Variants in NSRP1 observed in about 807,000 individuals in gnomAD.
NSRP1 encodes the protein nuclear speckle splicing regulatory protein 1.
A neutral mutation model predicts 54.7 loss-of-function variants in NSRP1; 24 were observed. The observed-to-expected ratio is 0.44, with a 90% CI of 0.32 to 0.62. The LOEUF is 0.62. NSRP1 is among the 20% of genes least tolerant of loss of function. The pLI, the probability that NSRP1 is intolerant of heterozygous loss-of-function variation, is 0.06. For synonymous variants in NSRP1, 210 were observed against 213.8 expected, an observed-to-expected ratio of 0.98 and a Z score of 0.15; for missense variants, 596 against 651.2, an observed-to-expected ratio of 0.92 and a Z score of 0.92.
chr17:30,145,962 A>C (rs886339678), intron 2 of NSRP1, among the ~76,000 whole-genome samples: 1 of 151,820 alleles, frequency 6.6e-6, no homozygotes, highest in Admixed American at 6.6e-5. Context: ...CAATTCCCCC[A>C]CTTTTGTCTT....
At chr17:30,169,762 T>A (rs34433787) in intron 2 of NSRP1, among the ~76,000 whole-genome samples, 62,511 of 151,710 alleles carry the variant, frequency 0.41, 14,353 homozygotes, top group East Asian at 0.82. Context: ...TATTTAATTT[T>A]TTAAATATGT....
intron 2 of NSRP1, among the ~76,000 whole-genome samples, chr17:30,151,342 A>T (rs1404989675): frequency 6.6e-6 from 1 of 152,156 alleles, no homozygotes; most frequent in East Asian, 1.9e-4. Context: ...AAAACTTTTG[A>T]CTACCCCAAA....
intron 1 of NSRP1, chr17:30,117,173 T>G (rs2071542593): frequency 2.9e-6 from 2 of 699,184 alleles, no homozygotes; most frequent in Non-Finnish European, 5.3e-6. Context: ...TAACCCGCGC[T>G]TGAGTTTCTC....
rs754436640 is a variant in NSRP1 at position 30,150,939 on chromosome 17, C to T, written c.115-21603C>T. 1.6e-4 allele frequency among the ~76,000 whole-genome samples: 24 copies of T among 151,746 alleles called. 1 individual carries two copies. Among genetic ancestry groups the T allele is most frequent in the Non-Finnish European group, 2.1e-4 (14 of 67,928 alleles). On this transcript the variant is annotated intron_variant, in intron 2 of 6. Coordinates refer to ENST00000247026, the MANE Select transcript of NSRP1 (RefSeq NM_032141.4). Reference sequence around the variant, plus strand: ...CTGACCTTAGGTGATCTGCTCACCTCGGCCTCCCAAAATGCTGGGATTACA... The same window carrying T: ...CTGACCTTAGGTGATCTGCTCACCTTGGCCTCCCAAAATGCTGGGATTACA...
chr17:30,140,372 A>G (rs778362425), intron 2 of NSRP1, among the ~76,000 whole-genome samples: 1 of 152,150 alleles, frequency 6.6e-6, no homozygotes, highest in Non-Finnish European at 1.5e-5. Context: ...GTACTCAATA[A>G]TTTTAAAGAG....
At chr17:30,145,835 T>C (rs2071849575) in intron 2 of NSRP1, among the ~76,000 whole-genome samples, 1 of 152,162 alleles carries the variant, frequency 6.6e-6, no homozygotes, top group Non-Finnish European at 1.5e-5. Flanking sequence ...TATTTTTATA[T>C]GTTGCTGTGC....
intron 2 of NSRP1, among the ~76,000 whole-genome samples, chr17:30,147,975 C>T (rs2143002988): frequency 6.6e-6 from 1 of 152,176 alleles, no homozygotes; most frequent in South Asian, 2.1e-4. Flanking sequence ...CCATGCCCAG[C>T]TAATTTTTTG....
intron 2 of NSRP1, 90 bp from the exon 3 acceptor site, chr17:30,172,452 T>C: frequency 1.1e-6 from 1 of 914,700 alleles, no homozygotes; most frequent in Non-Finnish European, 1.6e-6. Context: ...AAAACACTTC[T>C]GGTCCCATGT....
chr17:30,167,837 A>G (rs1430449667), intron 2 of NSRP1, among the ~76,000 whole-genome samples: 1 of 149,696 alleles, frequency 6.7e-6, no homozygotes, highest in Non-Finnish European at 1.5e-5. Context: ...CTTTAATGTT[A>G]ATAACATTCT....
chr17:30,118,710 T>C (rs1281434327), intron 2 of NSRP1, among the ~76,000 whole-genome samples: 1 of 152,080 alleles, frequency 6.6e-6, no homozygotes, highest in Non-Finnish European at 1.5e-5. Flanking sequence ...CCCACAGTTA[T>C]ATATCAGAAA....
intron 2 of NSRP1, chr17:30,150,773 C>T (rs547233544): frequency 3.3e-5 from 5 of 149,426 alleles, no homozygotes; most frequent in South Asian, 2.1e-4. Flanking sequence ...CTGCAATCTC[C>T]GCCTTCTGGA....
At chr17:30,168,451 GAC>G (rs978119851) in intron 2 of NSRP1, among the ~76,000 whole-genome samples, 1 of 151,522 alleles carries the variant, frequency 6.6e-6, no homozygotes, top group African/African-American at 2.4e-5. Context: ...ATTCAAAAAA[GAC>G]ACACAGAATA....
intron 2 of NSRP1, chr17:30,163,180 C>A (rs567377156): frequency 7.0e-6 from 1 of 143,516 alleles, no homozygotes; most frequent in African/African-American, 2.7e-5. Context: ...CCACCACATC[C>A]GGCTAATTTT....
In NSRP1 at chr17:30,185,232, A is replaced by G; in HGVS notation, c.1235A>G (p.Glu412Gly). The G allele has an allele frequency of 6.3e-7, 1 of 1,581,860 alleles. No individual in the cohort carries two copies. Among genetic ancestry groups the G allele is most frequent in the Non-Finnish European group, 8.6e-7 (1 of 1,163,912 alleles). Reference sequence around the variant, plus strand: ...CCCAGTGAGAAAGGAGAGAAGGAAGAGAAAAGCAAAGCAAAGGAAGAGCAT... The same window carrying G: ...CCCAGTGAGAAAGGAGAGAAGGAAGGGAAAAGCAAAGCAAAGGAAGAGCAT... ...NRPSEKGEKE[E>G]KSKAKEEHMK... is the part of the protein sequence containing the mutation. Residue 412 changes from glutamate (E) to glycine (G), a missense_variant, in exon 7 of 7, where the codon GAG (glutamate) becomes GGG (glycine). Transcript: ENST00000247026.
chr17:30,174,457 T>C (rs938780572), intron 3 of NSRP1, among the ~76,000 whole-genome samples: 1 of 152,244 alleles, frequency 6.6e-6, no homozygotes, highest in Non-Finnish European at 1.5e-5. Context: ...ATTTACTAAA[T>C]CTTAGAGAAA....
intron 2 of NSRP1, among the ~76,000 whole-genome samples, chr17:30,167,189 TC>T (rs1339985601): frequency 6.6e-6 from 1 of 152,212 alleles, no homozygotes; most frequent in African/African-American, 2.4e-5. Context: ...GACCTCCAGT[TC>T]CTTCCATGTT....
intron 2 of NSRP1, among the ~76,000 whole-genome samples, chr17:30,155,195 G>A (rs2071950360): frequency 6.6e-6 from 1 of 151,922 alleles, no homozygotes; most frequent in African/African-American, 2.4e-5. Context: ...TGCATAATAT[G>A]GATTACTTGT....
At chr17:30,119,357 GCCCCA>G (rs2151871242) in intron 2 of NSRP1, among the ~76,000 whole-genome samples, 1 of 151,676 alleles carries the variant, frequency 6.6e-6, no homozygotes, top group South Asian at 2.1e-4. Flanking sequence ...GATTACAGGT[GCCCCA>G]CCACCACGCC....
At chr17:30,170,388 G>A (rs535153590) in intron 2 of NSRP1, among the ~76,000 whole-genome samples, 2 of 152,114 alleles carry the variant, frequency 1.3e-5, no homozygotes, top group South Asian at 2.1e-4. Flanking sequence ...ATTACCTATT[G>A]TCCTCATGTG....
Sources: allele counts gnomAD v4.1 joint callset (sites outside exome capture counted in the v4.1 genomes callset), GRCh38; gene constraint gnomAD v4.1.1; transcripts MANE v1.5; gene names NCBI Gene and HGNC (gene_info 2026-07-23, HGNC 2026-07-21).